Variants in SEM1 observed in about 807,000 individuals in gnomAD.
SEM1 encodes the protein 26S proteasome complex subunit SEM1.
SEM1 carries 3 observed loss-of-function variants against 12.7 expected under a neutral mutation model. The observed-to-expected ratio is 0.24, with a 90% CI of 0.11 to 0.61. The LOEUF is 0.61. Among genes scored for constraint, SEM1 ranks in the 20% least tolerant of loss-of-function variants. The probability of loss-of-function intolerance (pLI) is 0.88; values close to 1 mark genes in which losing one functional copy is unlikely to be tolerated. For missense variants in SEM1, 59 were observed against 81.3 expected, an observed-to-expected ratio of 0.73 and a Z score of 1.06; for synonymous variants, 30 against 27.8, an observed-to-expected ratio of 1.08 and a Z score of -0.25.
downstream of SEM1, among the ~76,000 whole-genome samples, chr7:96,684,637 T>C (rs1789710282): frequency 6.6e-6 from 1 of 152,086 alleles, no homozygotes; most frequent in South Asian, 2.1e-4. Flanking sequence ...AGTTTCTATA[T>C]TTTTGGCTTA....
At chr7:96,705,644 C>A (rs1238312941) in intron 1 of SEM1, among the ~76,000 whole-genome samples, 10 of 151,694 alleles carry the variant, frequency 6.6e-5, no homozygotes, top group Admixed American at 2.0e-4. Context: ...TGGCTAACAC[C>A]ATGAAACCCC....
intron 2 of SEM1, among the ~76,000 whole-genome samples, chr7:96,682,787 C>G (rs368955875): frequency 6.6e-6 from 1 of 151,880 alleles, no homozygotes; most frequent in Non-Finnish European, 1.5e-5. Context: ...ACAAAGGATA[C>G]ATTGTATCCT....
At chr7:96,616,827 T>G (rs1243530067) in intron 2 of SEM1, among the ~76,000 whole-genome samples, 1 of 152,194 alleles carries the variant, frequency 6.6e-6, no homozygotes, top group African/African-American at 2.4e-5. Context: ...CTGCTTATTT[T>G]TATTGACTTG....
intron 1 of SEM1, among the ~76,000 whole-genome samples, chr7:96,493,805 A>G (rs1803126502): frequency 6.6e-6 from 1 of 152,140 alleles, no homozygotes; most frequent in Non-Finnish European, 1.5e-5. Context: ...TTATAAACCA[A>G]GCTATTTCCC....
intron 2 of SEM1, among the ~76,000 whole-genome samples, chr7:96,522,822 C>A (rs1007227007): frequency 1.5e-5 from 2 of 131,878 alleles, no homozygotes; most frequent in Non-Finnish European, 3.1e-5. Context: ...ACCTGGGAGG[C>A]GGAGGTTGCA....
In SEM1 at chr7:96,561,671, C is replaced by G. The variant is rs528761959; in HGVS notation, c.171-54973G>C. On this transcript the variant is annotated intron_variant and NMD_transcript_variant, in intron 2 of 3. Transcript: ENST00000466986. ...TCCATATTTAAATATTTTCACTTAA[C>G]AGTAGCTTTGGAATGATTTAAATAA... Among the ~76,000 whole-genome samples the G allele has an allele frequency of 3.9e-5, 6 of 152,278 alleles. No individual in the cohort carries two copies. In the East Asian group the frequency reaches 1.2e-3, roughly 29 times the overall value.
At chr7:96,595,828 T>C (rs1806979559) in intron 2 of SEM1, among the ~76,000 whole-genome samples, 1 of 152,198 alleles carries the variant, frequency 6.6e-6, no homozygotes, top group Non-Finnish European at 1.5e-5. Flanking sequence ...CATCATAACC[T>C]GAAGTGAACG....
intron 2 of SEM1, among the ~76,000 whole-genome samples, chr7:96,557,138 G>A (rs12055130): frequency 0.61 from 90,983 of 148,892 alleles, 28,570 homozygotes; most frequent in Non-Finnish European, 0.69. Context: ...TGGTTTGAAC[G>A]TCCTCCCGTA....
chr7:96,700,108 T>TA (rs1304446422), intron 1 of SEM1, among the ~76,000 whole-genome samples: 1 of 152,214 alleles, frequency 6.6e-6, no homozygotes, highest in Non-Finnish European at 1.5e-5. Context: ...TTAGTACTGA[T>TA]AAATGGCAGC....
intron 2 of SEM1, among the ~76,000 whole-genome samples, chr7:96,509,534 A>G (rs1398469629): frequency 6.6e-6 from 1 of 152,132 alleles, no homozygotes; most frequent in Non-Finnish European, 1.5e-5. Flanking sequence ...CTCCAAATGC[A>G]TTGACCTCAT....
intron 2 of SEM1, among the ~76,000 whole-genome samples, chr7:96,639,167 C>T (rs1245352273): frequency 6.6e-6 from 1 of 151,928 alleles, no homozygotes; most frequent in Admixed American, 6.6e-5. Flanking sequence ...GAATGATCTC[C>T]AGTTTTTTCA....
chr7:96,488,130 T>C (rs949105516), intron 1 of SEM1, among the ~76,000 whole-genome samples: 1 of 152,144 alleles, frequency 6.6e-6, no homozygotes, highest in African/African-American at 2.4e-5. Flanking sequence ...AGGGAGAGCA[T>C]GGTCTTCTTA....
intron 2 of SEM1, among the ~76,000 whole-genome samples, chr7:96,575,814 G>T (rs1806186953): frequency 6.6e-6 from 1 of 152,154 alleles, no homozygotes; most frequent in African/African-American, 2.4e-5. Context: ...AAAAATATTT[G>T]CAAACTATGC....
intron 2 of SEM1, among the ~76,000 whole-genome samples, chr7:96,584,607 A>G (rs969678196): frequency 2.7e-5 from 4 of 150,932 alleles, no homozygotes; most frequent in Non-Finnish European, 4.4e-5. Flanking sequence ...AGGTACACCA[A>G]TCAGACCTAG....
At chr7:96,510,569 G>A (rs1419624795) in intron 2 of SEM1, among the ~76,000 whole-genome samples, 1 of 152,120 alleles carries the variant, frequency 6.6e-6, no homozygotes, top group Non-Finnish European at 1.5e-5. Context: ...TGTAACACAT[G>A]ACTGTACTTG....
chr7:96,671,241 T>C (rs1411631298), downstream of SEM1, among the ~76,000 whole-genome samples: 1 of 152,198 alleles, frequency 6.6e-6, no homozygotes, highest in Admixed American at 6.5e-5. Context: ...CTATCCCTTT[T>C]CTGGGACAGC....
chr7:96,628,047 T>C (rs1233255863), intron 2 of SEM1, among the ~76,000 whole-genome samples: 8 of 152,108 alleles, frequency 5.3e-5, no homozygotes, highest in Non-Finnish European at 4.4e-5. Context: ...TCCTATAGTT[T>C]TTGTCTTGAA....
chr7:96,598,085 A>G, intron 2 of SEM1, among the ~76,000 whole-genome samples: 1 of 152,180 alleles, frequency 6.6e-6, no homozygotes, highest in Non-Finnish European at 1.5e-5. Flanking sequence ...TCCAAATCGC[A>G]ACATTTTAAA....
chr7:96,635,692 G>A (rs369320009), intron 2 of SEM1, among the ~76,000 whole-genome samples: 19 of 152,206 alleles, frequency 1.2e-4, no homozygotes, highest in East Asian at 3.9e-4. Context: ...AAGCTGATGG[G>A]TATGCAATAC....
Sources: allele counts gnomAD v4.1 joint callset (sites outside exome capture counted in the v4.1 genomes callset), GRCh38; gene constraint gnomAD v4.1.1; transcripts MANE v1.5; gene names NCBI Gene and HGNC (gene_info 2026-07-23, HGNC 2026-07-21).